PCDH15: variants seen among roughly 807,000 people sequenced by gnomAD.
The protein encoded by PCDH15 is protocadherin related 15.
Under a neutral mutation model 178.5 loss-of-function variants are expected in PCDH15, and 129 were observed. That is an observed-to-expected ratio of 0.72 (90% CI 0.63 to 0.84). The LOEUF is 0.84. Ranked by LOEUF, PCDH15 falls within the 40% of genes least tolerant of loss-of-function variation. PCDH15 has a pLI of 0.00. For missense variants in PCDH15, 2,230 were observed against 2,099.9 expected, an observed-to-expected ratio of 1.06 and a Z score of -1.21; for synonymous variants, 800 against 732.0, an observed-to-expected ratio of 1.09 and a Z score of -1.50.
intron 16 of PCDH15, among the ~76,000 whole-genome samples, chr10:54,081,358 T>G (rs547293735): frequency 2.4e-4 from 36 of 151,892 alleles, no homozygotes; most frequent in Non-Finnish European, 4.0e-4. Context: ...TATAATACTA[T>G]ATGTATTATT....
In PCDH15 at chr10:53,809,502, C is replaced by T. The variant is rs199992144; in HGVS notation, c.4671+1054G>A. Reference sequence around the variant, plus strand: ...CAACTACTTCTTCCTCCTCACTAGGCTCTCTAATTTCAACCTTTGGTTTTT... The same window carrying T: ...CAACTACTTCTTCCTCCTCACTAGGTTCTCTAATTTCAACCTTTGGTTTTT... On this transcript the variant is annotated intron_variant, in intron 37 of 37. Coordinates refer to ENST00000644397, the MANE Select transcript of PCDH15 (RefSeq NM_001384140.1). The T allele has an allele frequency of 3.1e-6, 5 of 1,612,922 alleles. No homozygotes were observed. The South Asian group carries it at 4.4e-5, about 14-fold the overall frequency.
At chr10:55,062,172 G>A (rs969118086) in intron 2 of PCDH15, among the ~76,000 whole-genome samples, 9 of 152,224 alleles carry the variant, frequency 5.9e-5, no homozygotes, top group African/African-American at 1.7e-4. Flanking sequence ...TTTGGGAAGT[G>A]ATCAGGTCAT....
At chr10:53,812,797 G>T (rs767967493) in intron 35 of PCDH15, among the ~76,000 whole-genome samples, 21 of 152,094 alleles carry the variant, frequency 1.4e-4, no homozygotes, top group Admixed American at 7.2e-4. Flanking sequence ...GGGGGGAAAA[G>T]GATAGGTACT....
intron 2 of PCDH15, among the ~76,000 whole-genome samples, chr10:54,930,618 A>C (rs1837749398): frequency 2.6e-5 from 4 of 152,122 alleles, no homozygotes; most frequent in Admixed American, 2.6e-4. Flanking sequence ...CATTTGGTTT[A>C]AATGTCCTTT....
At chr10:53,843,303 T>C (rs1398303982) in intron 28 of PCDH15, among the ~76,000 whole-genome samples, 1 of 152,078 alleles carries the variant, frequency 6.6e-6, no homozygotes, top group African/African-American at 2.4e-5. Context: ...TGAGAACACA[T>C]TTCATAAAAA....
At chr10:55,548,996 T>G (rs969576252) in intron 2 of PCDH15, among the ~76,000 whole-genome samples, 1 of 152,140 alleles carries the variant, frequency 6.6e-6, no homozygotes, top group Admixed American at 6.6e-5. Flanking sequence ...AGAAAAAGAT[T>G]AGTACCAAAG....
At chr10:54,202,728 C>T (rs1419267858) in intron 10 of PCDH15, among the ~76,000 whole-genome samples, 1 of 149,278 alleles carries the variant, frequency 6.7e-6, no homozygotes, top group East Asian at 2.0e-4. Context: ...AGAAGAATCG[C>T]TTGAACCCGG....
In PCDH15 at chr10:55,170,192, C is replaced by T. The variant is rs138609358; in HGVS notation, c.-155-3541G>A. ...ACAGTGTCTCACTCACTCTGTGACCCAGGCTGAAGTACAGTGGCATCATTA... is the reference window on the plus strand; with the variant it reads ...ACAGTGTCTCACTCACTCTGTGACCTAGGCTGAAGTACAGTGGCATCATTA... On this transcript the variant is annotated intron_variant, in intron 1 of 5. Transcript: ENST00000458638. Among the ~76,000 whole-genome samples the T allele has an allele frequency of 6.4e-3, 971 of 152,090 alleles. 16 individuals are homozygous for T. Among genetic ancestry groups the T allele is most frequent in the African/African-American group, 0.022 (932 of 41,492 alleles).
chr10:55,003,942 A>G (rs1166723086), intron 2 of PCDH15, among the ~76,000 whole-genome samples: 1 of 152,238 alleles, frequency 6.6e-6, no homozygotes, highest in Non-Finnish European at 1.5e-5. Flanking sequence ...CTGCAGGTGC[A>G]GATAGATTCC....
chr10:54,100,145 A>T (rs2136144927), intron 15 of PCDH15, among the ~76,000 whole-genome samples: 1 of 152,196 alleles, frequency 6.6e-6, no homozygotes. Flanking sequence ...AGGCGGGCAG[A>T]TCACGATGTC....
At chr10:55,621,365 C>T (rs1480953871) in intron 2 of PCDH15, among the ~76,000 whole-genome samples, 1 of 152,174 alleles carries the variant, frequency 6.6e-6, no homozygotes, top group Non-Finnish European at 1.5e-5. Context: ...TGGAAAACCA[C>T]ACTGCCAACA....
intron 3 of PCDH15, among the ~76,000 whole-genome samples, chr10:54,826,494 A>G (rs1953134351): frequency 6.6e-6 from 1 of 151,858 alleles, no homozygotes; most frequent in Non-Finnish European, 1.5e-5. Flanking sequence ...TATTAAAGCA[A>G]TATGTCATAT....
intron 1 of PCDH15, among the ~76,000 whole-genome samples, chr10:55,284,569 A>AT (rs34912417): frequency 0.57 from 86,906 of 151,720 alleles, 26,298 homozygotes; most frequent in African/African-American, 0.78. Flanking sequence ...TCTGCATATT[A>AT]TTTTTTCTAT....
chr10:54,724,832 G>A (rs1205853961), intron 1 of PCDH15, among the ~76,000 whole-genome samples: 4 of 150,822 alleles, frequency 2.7e-5, no homozygotes, highest in Non-Finnish European at 5.9e-5. Context: ...ATACATATTT[G>A]TTACATTATT....
chr10:53,809,570 G>A, intron 37 of PCDH15: 1 of 1,599,956 alleles, frequency 6.3e-7, no homozygotes, highest in Admixed American at 1.7e-5. Flanking sequence ...AAATGCAATT[G>A]AAGTGTCAGC....
At chr10:54,125,411 T>G (rs948102379) in intron 15 of PCDH15, among the ~76,000 whole-genome samples, 1 of 152,176 alleles carries the variant, frequency 6.6e-6, no homozygotes, top group Admixed American at 6.6e-5. Flanking sequence ...TGTATAATAA[T>G]TTTATTTTAC....
intron 2 of PCDH15, among the ~76,000 whole-genome samples, chr10:55,493,728 G>A (rs972181345): frequency 1.1e-4 from 16 of 151,952 alleles, no homozygotes; most frequent in Middle Eastern, 3.4e-3. Context: ...ATAACTGGCT[G>A]GCAGCTGACC....
intron 3 of PCDH15, among the ~76,000 whole-genome samples, chr10:54,471,899 T>G (rs567236964): frequency 6.6e-6 from 1 of 152,198 alleles, no homozygotes; most frequent in African/African-American, 2.4e-5. Flanking sequence ...TTCAAAAAAG[T>G]AATTATACAT....
rs186084107 is a variant in PCDH15 at position 55,460,408 on chromosome 10, C to T, written c.-156+167217G>A. ...GAAGTGGAGAAAGCCATTGTAGGAA[C>T]CTCCTTCGAGAATTATTTGTTTCAT... On this transcript the variant is annotated intron_variant, in intron 2 of 5. Transcript: ENST00000613346. Among the ~76,000 whole-genome samples the T allele has an allele frequency of 2.2e-3, 339 of 151,990 alleles. 3 individuals are homozygous for T. Among genetic ancestry groups the T allele is most frequent in the African/African-American group, 7.9e-3 (326 of 41,476 alleles).
Sources: gnomAD v4.1 joint callset for allele counts (sites outside exome capture counted in the v4.1 genomes callset) on GRCh38, gnomAD v4.1.1 for gene constraint, MANE v1.5 for transcripts, NCBI Gene and HGNC (gene_info 2026-07-23, HGNC 2026-07-21) for gene names.